Variants in CEP350 observed in about 807,000 individuals in gnomAD.
CEP350 encodes centrosomal protein 350.
CEP350 carries 126 observed loss-of-function variants against 331.8 expected under a neutral mutation model. That is an observed-to-expected ratio of 0.38 (90% CI 0.33 to 0.44). The LOEUF (loss-of-function observed/expected upper bound fraction) is 0.44, where lower values mean the gene tolerates loss of function less well. Among genes scored for constraint, CEP350 ranks in the 20% least tolerant of loss-of-function variants. The pLI, the probability that CEP350 is intolerant of heterozygous loss-of-function variation, is 1.00. For synonymous variants in CEP350, 1,200 were observed against 1,259.5 expected (o/e 0.95, Z 1.00); for missense variants, 3,406 against 3,634.6 (o/e 0.94, Z 1.62).
intron 11 of CEP350, among the ~76,000 whole-genome samples, chr1:180,016,399 C>A (rs969344293): frequency 3.3e-5 from 5 of 152,044 alleles, no homozygotes; most frequent in African/African-American, 1.2e-4. Context: ...CTTGTGGACA[C>A]ATTAATAAGG....
intron 1 of CEP350, chr1:179,968,727 C>T: frequency 1.7e-6 from 1 of 587,108 alleles, no homozygotes; most frequent in South Asian, 1.4e-5. Flanking sequence ...ACTTAGATGG[C>T]ACCAGCCTTG....
intron 11 of CEP350, among the ~76,000 whole-genome samples, chr1:180,018,831 G>T (rs978856418): frequency 6.7e-6 from 1 of 149,758 alleles, no homozygotes; most frequent in African/African-American, 2.4e-5. Context: ...CAAGGACAAA[G>T]CCTCATGTTC....
At chr1:179,966,086 CT>C (rs1329977717) in intron 1 of CEP350, among the ~76,000 whole-genome samples, 1 of 152,106 alleles carries the variant, frequency 6.6e-6, no homozygotes, top group African/African-American at 2.4e-5. Flanking sequence ...GGCAACCTAC[CT>C]TTTATAAACG....
intron 21 of CEP350, among the ~76,000 whole-genome samples, chr1:180,046,966 T>C (rs774237113): frequency 6.6e-6 from 1 of 152,238 alleles, no homozygotes; most frequent in South Asian, 2.1e-4. Flanking sequence ...ATTAGAAGAT[T>C]TATGTTTTCA....
chr1:179,972,969 G>A (rs746015122), intron 1 of CEP350, among the ~76,000 whole-genome samples: 39 of 151,262 alleles, frequency 2.6e-4, no homozygotes, highest in Non-Finnish European at 4.6e-4. Flanking sequence ...CGGGGTTCAC[G>A]CCATTCTCCT....
intron 22 of CEP350, among the ~76,000 whole-genome samples, 180 bp downstream of exon 22, chr1:180,048,885 A>C (rs1477495267): frequency 6.6e-6 from 1 of 152,180 alleles, no homozygotes; most frequent in Non-Finnish European, 1.5e-5. Context: ...CCAGGGAAAC[A>C]TAGGGAGACC....
At position 179,982,283 on chromosome 1, in the gene CEP350, A is replaced by G. The variant is rs141256155; in HGVS notation, c.-13-3886A>G. Among the ~76,000 whole-genome samples, 579 of 152,260 alleles carry G rather than the reference A, an allele frequency of 3.8e-3. 4 individuals carry two copies. Among genetic ancestry groups the G allele is most frequent in the African/African-American group, 0.013 (532 of 41,552 alleles). On this transcript the variant is annotated intron_variant, in intron 1 of 37. Coordinates refer to ENST00000367607, the MANE Select transcript of CEP350 (RefSeq NM_014810.5). ...TATAGATTCCTTTTGCCTATTTTAT[A>G]CTTTATTTAATGGAACTATATGGTA...
At chr1:180,008,040 A>G (rs1571858815) in intron 8 of CEP350, among the ~76,000 whole-genome samples, 1 of 152,266 alleles carries the variant, frequency 6.6e-6, no homozygotes, top group South Asian at 2.1e-4. Flanking sequence ...GATTTTTAAT[A>G]TAAGTTAACC....
rs58749862 is a variant in CEP350, at chr1:179,987,224, T to C, written c.74-16T>C. 0.02 allele frequency: 28,916 copies of C among 1,421,818 alleles called. 551 individuals are homozygous for C. Among genetic ancestry groups the C allele is most frequent in the South Asian group, 0.06 (4,809 of 80,602 alleles). 88.1% of individuals were successfully genotyped at this position (1,421,818 alleles called of 1,614,324 possible). On this transcript the variant is annotated splice_polypyrimidine_tract_variant and intron_variant, in intron 2 of 37. Coordinates refer to ENST00000367607, the MANE Select transcript of CEP350 (RefSeq NM_014810.5). ...TTCTGGTTGATTGATAAAGTAAATA[T>C]CATTTTTTTTCCCAGCAGATATAAC...
chr1:180,077,897 G>T (rs1255824461), intron 28 of CEP350, among the ~76,000 whole-genome samples: 1 of 152,112 alleles, frequency 6.6e-6, no homozygotes, highest in African/African-American at 2.4e-5. Context: ...ACTTTGGGAG[G>T]CCGAGGCGGG....
chr1:180,040,681 G>A (rs575970048), intron 17 of CEP350, among the ~76,000 whole-genome samples: 3 of 151,692 alleles, frequency 2.0e-5, no homozygotes, highest in African/African-American at 4.8e-5. Context: ...ACATTGTGTG[G>A]GATAGTGGTA....
chr1:180,079,877 A>T (rs9425858), intron 29 of CEP350, among the ~76,000 whole-genome samples: 107,947 of 152,044 alleles, frequency 0.71, 39,650 homozygotes, highest in Admixed American at 0.8. Flanking sequence ...TTTTTATAAT[A>T]AAAGCTAATA....
Position 180,099,047 on chromosome 1 carries a change from T to A in CEP350, c.9189+62T>A. ...ATATCTTTTAAACTCAGAATGCAGT[T>A]AGATTCTAAAAGGAAAAGGGATAGA... is the stretch of plus-strand genomic sequence containing the variant. On this transcript the variant is annotated intron_variant, in intron 37 of 37. Coordinates refer to ENST00000367607, the MANE Select transcript of CEP350 (RefSeq NM_014810.5). The A allele has an allele frequency of 2.0e-6, 3 of 1,525,464 alleles. No homozygotes were observed. In the South Asian group the frequency reaches 3.8e-5, roughly 19 times the overall value. The allele number at this position is 1,525,464 out of a possible 1,614,324, so 94.5% of individuals were successfully genotyped here.
chr1:180,038,936 G>T (rs553070197), intron 17 of CEP350, among the ~76,000 whole-genome samples: 2 of 151,946 alleles, frequency 1.3e-5, no homozygotes, highest in Non-Finnish European at 2.9e-5. Flanking sequence ...TCTTTGGGCC[G>T]ACTGTGGTGG....
At chr1:179,991,655 GTA>G (rs199720658) in intron 4 of CEP350, among the ~76,000 whole-genome samples, 1,740 of 115,240 alleles carry the variant, frequency 0.015, 19 homozygotes, top group South Asian at 0.045. Flanking sequence ...ACTGTGATAT[GTA>G]TATATATATA....
chr1:180,107,028 C>T (rs1247075987), intron 37 of CEP350, among the ~76,000 whole-genome samples: 4 of 152,160 alleles, frequency 2.6e-5, no homozygotes, highest in South Asian at 4.2e-4. Flanking sequence ...TTCCCAGCTT[C>T]GTGTCATTTC....
At chr1:180,030,317 A>ATATATACATATACTTATGTG (rs1558113136) in intron 14 of CEP350, among the ~76,000 whole-genome samples, 4 of 147,394 alleles carry the variant, frequency 2.7e-5, no homozygotes, top group African/African-American at 7.4e-5. Flanking sequence ...GTATATATGT[A>ATATATACATATACTTATGTG]TATATATACA....
chr1:179,972,265 G>T (rs1651506607), intron 1 of CEP350, among the ~76,000 whole-genome samples: 1 of 152,146 alleles, frequency 6.6e-6, no homozygotes, highest in African/African-American at 2.4e-5. Context: ...CCCAGCGAGA[G>T]AGTATAGTGT....
At chr1:180,001,502 A>G (rs1469801471) in intron 6 of CEP350, among the ~76,000 whole-genome samples, 4 of 151,938 alleles carry the variant, frequency 2.6e-5, no homozygotes, top group African/African-American at 7.3e-5. Flanking sequence ...CAAGTGATCC[A>G]CTCGCCTCAG....
Sources: allele counts gnomAD v4.1 joint callset (sites outside exome capture counted in the v4.1 genomes callset), GRCh38; gene constraint gnomAD v4.1.1; transcripts MANE v1.5; gene names NCBI Gene and HGNC (gene_info 2026-07-23, HGNC 2026-07-21).